The following DPYD variants were observed in gnomAD, a reference collection of about 807,000 sequenced individuals.
DPYD encodes the protein dihydropyrimidine dehydrogenase [NADP(+)].
In DPYD, 109 loss-of-function variants were observed where a neutral mutation model predicts 116.2. The ratio of observed to expected loss-of-function variants is 0.94; its 90% CI spans 0.80 to 1.10. The LOEUF (loss-of-function observed/expected upper bound fraction) is 1.10. DPYD is among the 50% of genes least tolerant of loss of function. The pLI is 0.00. For synonymous variants in DPYD, 440 were observed against 432.0 expected (o/e 1.02, Z -0.23); for missense variants, 1,302 against 1,254.5 (o/e 1.04, Z -0.57).
At chr1:97,352,270 A>G (rs1187601534) in intron 16 of DPYD, among the ~76,000 whole-genome samples, 6 of 152,222 alleles carry the variant, frequency 3.9e-5, no homozygotes, top group Non-Finnish European at 2.9e-5. Context: ...ATAACCAACT[A>G]AGGAATATAA....
chr1:97,557,996 G>A (rs143806830), intron 11 of DPYD, among the ~76,000 whole-genome samples: 2 of 152,244 alleles, frequency 1.3e-5, no homozygotes, highest in East Asian at 3.9e-4. Flanking sequence ...CTGACTTTGG[G>A]TGTGGGGGCA....
intron 19 of DPYD, among the ~76,000 whole-genome samples, chr1:97,198,970 G>GAC (rs1191064790): frequency 6.6e-6 from 1 of 152,148 alleles, no homozygotes; most frequent in Non-Finnish European, 1.5e-5. Flanking sequence ...CCAGGGGTCT[G>GAC]ACACAGTGCC....
chr1:97,420,940 T>TA (rs1674549363), intron 14 of DPYD, among the ~76,000 whole-genome samples: 1 of 152,206 alleles, frequency 6.6e-6, no homozygotes, highest in South Asian at 2.1e-4. Context: ...CATCTGCACA[T>TA]AGTTTTCTGA....
intron 3 of DPYD, among the ~76,000 whole-genome samples, chr1:97,815,340 T>C (rs991599947): frequency 6.6e-6 from 1 of 151,948 alleles, no homozygotes; most frequent in African/African-American, 2.4e-5. Flanking sequence ...GAGGAGAAAA[T>C]AGTAGAAACA....
At chr1:97,910,606 T>C (rs1279823508) in intron 1 of DPYD, among the ~76,000 whole-genome samples, 1 of 152,112 alleles carries the variant, frequency 6.6e-6, no homozygotes, top group Non-Finnish European at 1.5e-5. Context: ...AGGTCAAAAC[T>C]AGTAAGTGGC....
At chr1:97,875,581 C>A (rs1671871639) in intron 2 of DPYD, among the ~76,000 whole-genome samples, 1 of 151,972 alleles carries the variant, frequency 6.6e-6, no homozygotes, top group Non-Finnish European at 1.5e-5. Context: ...TCCACCTCAA[C>A]TTCAAAATTA....
At chr1:97,139,562 C>CT (rs1654060441) in intron 20 of DPYD, among the ~76,000 whole-genome samples, 1 of 152,156 alleles carries the variant, frequency 6.6e-6, no homozygotes, top group Non-Finnish European at 1.5e-5. Flanking sequence ...GTTTAACCAA[C>CT]TGAAGTATCA....
chr1:97,153,124 T>C (rs768401778), intron 20 of DPYD, among the ~76,000 whole-genome samples: 1 of 152,168 alleles, frequency 6.6e-6, no homozygotes, highest in Admixed American at 6.5e-5. Context: ...AAGGCAAAAC[T>C]GCAGTATTCT....
At chr1:97,666,466 T>G (rs2100882317) in intron 8 of DPYD, among the ~76,000 whole-genome samples, 1 of 152,282 alleles carries the variant, frequency 6.6e-6, no homozygotes, top group South Asian at 2.1e-4. Context: ...GCCCCTTCTG[T>G]GTTTTAATTC....
At chr1:97,820,432 G>C (rs1668862425) in intron 3 of DPYD, among the ~76,000 whole-genome samples, 1 of 152,024 alleles carries the variant, frequency 6.6e-6, no homozygotes, top group African/African-American at 2.4e-5. Context: ...TTGAGTTGAA[G>C]GTAAAGAAAC....
intron 12 of DPYD, among the ~76,000 whole-genome samples, chr1:97,527,190 T>C (rs1649199290): frequency 1.3e-5 from 2 of 152,152 alleles, no homozygotes; most frequent in South Asian, 4.2e-4. Context: ...GCCATTTTCC[T>C]GTCTCAGCCT....
At position 97,909,381 on chromosome 1, in the gene DPYD, A is replaced by T. The variant is rs181651518; in HGVS notation, c.39+11503T>A. 1.2e-3 allele frequency among the ~76,000 whole-genome samples: 184 copies of T among 152,050 alleles called. No individual in the cohort carries two copies. In the Middle Eastern group the frequency reaches 0.024, roughly 20 times the overall value. ...TATGTCTTTCAACTCTAGTTTCCCCACTGCAACTCTTCCCTTAATATATGT... is the reference window on the plus strand; with the variant it reads ...TATGTCTTTCAACTCTAGTTTCCCCTCTGCAACTCTTCCCTTAATATATGT... On this transcript the variant is annotated intron_variant, in intron 1 of 22. Transcript: ENST00000370192.
chr1:97,553,996 T>A (rs925153117), intron 11 of DPYD, among the ~76,000 whole-genome samples: 1 of 152,104 alleles, frequency 6.6e-6, no homozygotes, highest in African/African-American at 2.4e-5. Context: ...TGAGCTTATT[T>A]AAAAAACAAA....
intron 16 of DPYD, among the ~76,000 whole-genome samples, chr1:97,371,758 A>G (rs1258340773): frequency 6.6e-6 from 1 of 152,252 alleles, no homozygotes; most frequent in Non-Finnish European, 1.5e-5. Context: ...TTACAAGAGA[A>G]TATCATTCAA....
chr1:97,916,357 G>A (rs1674211980), intron 1 of DPYD, among the ~76,000 whole-genome samples: 1 of 152,058 alleles, frequency 6.6e-6, no homozygotes, highest in Non-Finnish European at 1.5e-5. Context: ...AGGCCCCGGT[G>A]TGTGATGTTC....
intron 20 of DPYD, among the ~76,000 whole-genome samples, chr1:97,128,701 C>T (rs1653041218): frequency 6.6e-6 from 1 of 152,134 alleles, no homozygotes; most frequent in Non-Finnish European, 1.5e-5. Context: ...AAGACTCTTG[C>T]AGACTGAACA....
At chr1:97,454,709 C>T (rs1014559565) in intron 13 of DPYD, among the ~76,000 whole-genome samples, 21 of 151,794 alleles carry the variant, frequency 1.4e-4, no homozygotes, top group African/African-American at 2.7e-4. Context: ...AAATGGTAAG[C>T]GGACTGATTA....
intron 20 of DPYD, among the ~76,000 whole-genome samples, chr1:97,106,171 G>T (rs1170355233): frequency 6.6e-6 from 1 of 152,112 alleles, no homozygotes; most frequent in African/African-American, 2.4e-5. Context: ...TGGGATTCTG[G>T]TAGTGGTAGG....
intron 16 of DPYD, among the ~76,000 whole-genome samples, chr1:97,358,937 G>GA (rs1162631195): frequency 6.6e-6 from 1 of 152,132 alleles, no homozygotes; most frequent in Non-Finnish European, 1.5e-5. Flanking sequence ...GGCAGCAACA[G>GA]AAAAAAGCTG....
Sources: gnomAD v4.1 joint callset for allele counts (sites outside exome capture counted in the v4.1 genomes callset) on GRCh38, gnomAD v4.1.1 for gene constraint, MANE v1.5 for transcripts, NCBI Gene and HGNC (gene_info 2026-07-23, HGNC 2026-07-21) for gene names.